The following ITPR2 variants were observed in gnomAD, a reference collection of about 807,000 sequenced individuals.
The protein encoded by ITPR2 is inositol 1,4,5-trisphosphate receptor type 2, also known as inositol 1,4,5-trisphosphate-gated calcium channel ITPR2.
Under a neutral mutation model 317.1 loss-of-function variants are expected in ITPR2, and 207 were observed. The ratio of observed to expected loss-of-function variants is 0.65; its 90% CI spans 0.58 to 0.73. The LOEUF is 0.73. Ranked by LOEUF, ITPR2 falls within the 30% of genes least tolerant of loss-of-function variation. The probability of loss-of-function intolerance (pLI) is 0.00; values close to 1 mark genes in which losing one functional copy is unlikely to be tolerated. For missense variants in ITPR2, 2,613 were observed against 3,284.0 expected (o/e 0.80, Z 4.99); for synonymous variants, 1,156 against 1,149.1 (o/e 1.01, Z -0.12).
At chr12:26,758,984 T>C (rs1949581203) in intron 2 of ITPR2, among the ~76,000 whole-genome samples, 1 of 152,212 alleles carries the variant, frequency 6.6e-6, no homozygotes, top group African/African-American at 2.4e-5. Context: ...AACTTAAACC[T>C]TCTGGACATC....
At position 26,470,853 on chromosome 12, in the gene ITPR2, T is replaced by C. The variant is rs11048542; in HGVS notation, c.6342+4443A>G. On this transcript the variant is annotated intron_variant, in intron 45 of 56. Coordinates refer to ENST00000381340, the MANE Select transcript of ITPR2 (RefSeq NM_002223.4). ...TCAGTGTGGCAGACAAAGATTAATG[T>C]ATGAGGATGTTAATCATAGCGTAAT... is the stretch of plus-strand genomic sequence containing the variant. Among the ~76,000 whole-genome samples the C allele has an allele frequency of 2.8e-4, 43 of 152,326 alleles. No homozygotes were observed. In the East Asian group the frequency reaches 7.1e-3, roughly 25 times the overall value.
intron 1 of ITPR2, among the ~76,000 whole-genome samples, chr12:26,808,703 A>G (rs1047201527): frequency 1.3e-5 from 2 of 152,092 alleles, no homozygotes; most frequent in Non-Finnish European, 2.9e-5. Flanking sequence ...TGCACAAAAA[A>G]TTTTCTCAGA....
At chr12:26,515,268 T>C (rs1943455749) in intron 37 of ITPR2, among the ~76,000 whole-genome samples, 1 of 152,208 alleles carries the variant, frequency 6.6e-6, no homozygotes, top group Non-Finnish European at 1.5e-5. Context: ...AAGTTTTTCT[T>C]TAAAATAAAT....
At chr12:26,365,136 T>C (rs190165424) in intron 55 of ITPR2, among the ~76,000 whole-genome samples, 1 of 152,160 alleles carries the variant, frequency 6.6e-6, no homozygotes, top group Non-Finnish European at 1.5e-5. Flanking sequence ...TATTTTAGGG[T>C]TTACTAGCAA....
intron 55 of ITPR2, among the ~76,000 whole-genome samples, chr12:26,386,641 G>A (rs1231686067): frequency 6.8e-6 from 1 of 146,832 alleles, no homozygotes; most frequent in East Asian, 2.2e-4. Context: ...TTCTCAAATG[G>A]TGAACACAAT....
Position 26,681,995 on chromosome 12 carries a change from C to T in ITPR2, c.1288G>A (p.Ala430Thr). 4 of 1,613,458 alleles carry T rather than the reference C, an allele frequency of 2.5e-6. No individual in the cohort carries two copies. The highest frequency in any genetic ancestry group is 3.4e-6 in the Non-Finnish European group (4 of 1,179,542). ...TCAGACAGTGGAACAGACACGATTG[C>T]GAACGCTTCTTTATCTTCTTTGGTT... is the stretch of plus-strand genomic sequence containing the variant. ...CQTKEDKEAFAIVSVPLSEVR... is the reference protein window; with the variant it reads ...CQTKEDKEAFTIVSVPLSEVR... Residue 430 changes from alanine to threonine, a missense_variant, in exon 13 of 57, where the codon GCA (alanine) becomes ACA (threonine). Ala to Thr is a moderately conservative substitution (Grantham distance 58). This residue lies in a region of ITPR2 where 515 missense variants were observed against 789.4 expected (regional missense o/e 0.65). Transcript: ENST00000381340.
chr12:26,465,876 G>T (rs1942159461), intron 45 of ITPR2, among the ~76,000 whole-genome samples: 1 of 152,168 alleles, frequency 6.6e-6, no homozygotes, highest in Admixed American at 6.5e-5. Context: ...CAAGGAGGGA[G>T]ACATTCCTGC....
intron 37 of ITPR2, among the ~76,000 whole-genome samples, chr12:26,500,401 G>C (rs1943043454): frequency 6.6e-6 from 1 of 152,122 alleles, no homozygotes; most frequent in South Asian, 2.1e-4. Context: ...CTTCTGTGCT[G>C]GTTCTTCAAA....
At chr12:26,483,978 C>A (rs7303383) in intron 41 of ITPR2, 80 bp from the exon 42 acceptor site, 118,607 of 1,152,910 alleles carry the variant, frequency 0.1, 8,643 homozygotes, top group East Asian at 0.31. Context: ...CATATGTGTG[C>A]TTTTCTAACT....
At chr12:26,666,631 T>A (rs1319979952) in intron 13 of ITPR2, among the ~76,000 whole-genome samples, 1 of 152,188 alleles carries the variant, frequency 6.6e-6, no homozygotes, top group African/African-American at 2.4e-5. Flanking sequence ...AAAACTTAAA[T>A]GACCTATGAA....
At chr12:26,421,463 A>G (rs1028476931) in intron 49 of ITPR2, 1 of 152,228 alleles carries the variant, frequency 6.6e-6, no homozygotes, top group Non-Finnish European at 1.5e-5. Flanking sequence ...GTGCAAGAAT[A>G]AATGATTCGG....
At chr12:26,392,152 T>C (rs1182617221) in intron 54 of ITPR2, among the ~76,000 whole-genome samples, 1 of 152,194 alleles carries the variant, frequency 6.6e-6, no homozygotes, top group African/African-American at 2.4e-5. Context: ...TTCCACTCCT[T>C]TTTCCAGCTG....
intron 1 of ITPR2, among the ~76,000 whole-genome samples, chr12:26,811,536 G>A (rs1950747248): frequency 6.6e-6 from 1 of 152,048 alleles, no homozygotes. Flanking sequence ...ACGAGGTCAG[G>A]AGATCGAGAC....
At chr12:26,514,889 A>G (rs1426047759) in intron 37 of ITPR2, among the ~76,000 whole-genome samples, 3 of 152,262 alleles carry the variant, frequency 2.0e-5, no homozygotes, top group African/African-American at 7.2e-5. Context: ...CAGGCAAAAC[A>G]TAATTATTTC....
intron 2 of ITPR2, among the ~76,000 whole-genome samples, chr12:26,780,067 G>A (rs188798067): frequency 6.2e-4 from 95 of 152,248 alleles, no homozygotes; most frequent in African/African-American, 2.2e-3. Flanking sequence ...CCCAGCCACC[G>A]CTGTCATCAC....
chr12:26,677,313 CT>C (rs1429389252), intron 13 of ITPR2, among the ~76,000 whole-genome samples: 1 of 152,140 alleles, frequency 6.6e-6, no homozygotes, highest in Non-Finnish European at 1.5e-5. Context: ...TGAAAATAGA[CT>C]ATCAGCCAGG....
intron 2 of ITPR2, among the ~76,000 whole-genome samples, chr12:26,740,519 G>A (rs1388271498): frequency 6.6e-6 from 1 of 152,180 alleles, no homozygotes; most frequent in South Asian, 2.1e-4. Flanking sequence ...ACAGTAGAAA[G>A]AGTAAGCTTC....
intron 37 of ITPR2, among the ~76,000 whole-genome samples, chr12:26,547,486 A>T (rs1158705615): frequency 6.6e-6 from 1 of 152,254 alleles, no homozygotes; most frequent in East Asian, 1.9e-4. Context: ...TGTGAAAAAC[A>T]GTACAGAGAT....
chr12:26,404,155 T>C (rs1160223348), intron 52 of ITPR2, among the ~76,000 whole-genome samples: 1 of 151,872 alleles, frequency 6.6e-6, no homozygotes, highest in Non-Finnish European at 1.5e-5. Flanking sequence ...ACCAGGGTAA[T>C]GGGAGAGAAG....
Sources: gnomAD v4.1 joint callset for allele counts (sites outside exome capture counted in the v4.1 genomes callset) on GRCh38, gnomAD v4.1.1 for gene constraint, gnomAD v4.1.1 regional missense constraint, MANE v1.5 for transcripts, NCBI Gene and HGNC (gene_info 2026-07-23, HGNC 2026-07-21) for gene names.